The following JDP2 variants were observed in gnomAD, a reference collection of about 807,000 sequenced individuals.
The protein encoded by JDP2 is Jun dimerization protein 2, also known as progesterone receptor co-activator.
JDP2 carries 9 observed loss-of-function variants against 17.1 expected under a neutral mutation model. That is an observed-to-expected ratio of 0.53 (90% CI 0.32 to 0.92). The LOEUF is 0.92. Ranked by LOEUF, JDP2 falls within the 40% of genes least tolerant of loss-of-function variation. The pLI is 0.04. For missense variants in JDP2, 179 were observed against 220.0 expected (o/e 0.81, Z 1.18); for synonymous variants, 107 against 95.6 (o/e 1.12, Z -0.69).
At chr14:75,455,228 G>C (rs780357921) in intron 2 of JDP2, among the ~76,000 whole-genome samples, 8 of 152,156 alleles carry the variant, frequency 5.3e-5, no homozygotes, top group Non-Finnish European at 7.3e-5. Context: ...GCTTGGGTGA[G>C]GCTGATTGTG....
intron 1 of JDP2, among the ~76,000 whole-genome samples, chr14:75,436,838 T>G (rs922574557): frequency 2.0e-5 from 3 of 152,240 alleles, no homozygotes; most frequent in Non-Finnish European, 4.4e-5. Context: ...TGAATCTGTC[T>G]TCCCTTGTAC....
At chr14:75,452,446 G>A (rs1181380099) in intron 2 of JDP2, among the ~76,000 whole-genome samples, 4 of 152,088 alleles carry the variant, frequency 2.6e-5, no homozygotes, top group African/African-American at 4.8e-5. Flanking sequence ...TGATTGACTC[G>A]AGGTCACAGA....
chr14:75,432,212 TC>T, intron 1 of JDP2: 3 of 1,007,660 alleles, frequency 3.0e-6, no homozygotes, highest in Middle Eastern at 2.1e-4. Flanking sequence ...GCCTTCTGGA[TC>T]TCCTCGACTT....
intron 2 of JDP2, chr14:75,445,309 C>T (rs982097376): frequency 6.1e-6 from 6 of 985,414 alleles, no homozygotes; most frequent in Non-Finnish European, 4.8e-6. Context: ...GCCTGGGCCT[C>T]CTCTGGGTTT....
In JDP2 at chr14:75,473,343, AAAAC is replaced by A. The variant is rs1220096935; in HGVS notation, c.*3872_*3875del. ...GACAGAGCGAGACTCCATCTCAAAA[AAAAC>A]AAAACAAAAAAAATGTGGATTAAAG... On this transcript the variant is annotated 3_prime_UTR_variant, in exon 4 of 4. Transcript: ENST00000651602. The A allele has an allele frequency of 6.6e-6, 1 of 152,156 alleles. No individual in the cohort carries two copies. Among genetic ancestry groups the A allele is most frequent in the Non-Finnish European group, 1.5e-5 (1 of 68,056 alleles). The allele number at this position is 152,156 out of a possible 1,614,324, so 9.4% of individuals were successfully genotyped here.
chr14:75,460,049 G>A (rs1351266780), intron 2 of JDP2, among the ~76,000 whole-genome samples: 1 of 152,222 alleles, frequency 6.6e-6, no homozygotes, highest in African/African-American at 2.4e-5. Flanking sequence ...CTTTGATGGT[G>A]AGGATTAAAT....
At chr14:75,447,793 G>A (rs1885669752) in intron 2 of JDP2, among the ~76,000 whole-genome samples, 1 of 152,130 alleles carries the variant, frequency 6.6e-6, no homozygotes, top group African/African-American at 2.4e-5. Flanking sequence ...GAATAGCTGG[G>A]ATTACAGGTG....
At chr14:75,464,135 C>G (rs1886463181) in intron 3 of JDP2, among the ~76,000 whole-genome samples, 1 of 152,214 alleles carries the variant, frequency 6.6e-6, no homozygotes, top group Non-Finnish European at 1.5e-5. Context: ...TCCTCCCCAG[C>G]CTTGGAAGCA....
chr14:75,445,414 A>G, intron 2 of JDP2: 13 of 985,414 alleles, frequency 1.3e-5, no homozygotes, highest in Non-Finnish European at 1.6e-5. Context: ...TACTGAGCGT[A>G]GTGCATGTGT....
intron 1 of JDP2, among the ~76,000 whole-genome samples, chr14:75,432,848 G>T (rs1278178679): frequency 2.0e-5 from 3 of 152,066 alleles, no homozygotes; most frequent in Admixed American, 6.5e-5. Flanking sequence ...AGCAAGAACG[G>T]CCCTTGTACC....
At position 75,430,078 on chromosome 14, in the gene JDP2, T is replaced by C. The variant is rs75364171; in HGVS notation, c.-24+1826T>C. On this transcript the variant is annotated intron_variant, in intron 1 of 3. Transcript: ENST00000651602. The surrounding 1 kb of genome is among the most constrained non-coding windows in gnomAD (Gnocchi z 4.5). ...TCCCCACTCATCCACTGCCTAACTT[T>C]TGCAGCTACCAGGGAATGCTCCTCC... Among the ~76,000 whole-genome samples, 1 of 152,216 alleles carries C rather than the reference T, an allele frequency of 6.6e-6. No individual in the cohort carries two copies. The highest frequency in any genetic ancestry group is 6.5e-5 in the Admixed American group (1 of 15,290).
chr14:75,445,293 G>A, intron 2 of JDP2: 3 of 985,604 alleles, frequency 3.0e-6, no homozygotes, highest in Non-Finnish European at 3.6e-6. Flanking sequence ...AGTGCTGGGA[G>A]TGAGGGCCTG....
intron 2 of JDP2, among the ~76,000 whole-genome samples, chr14:75,438,960 C>T (rs1594950153): frequency 6.6e-6 from 1 of 152,168 alleles, no homozygotes; most frequent in South Asian, 2.1e-4. Context: ...GAGTAGCTGC[C>T]CCCTGGAAAG....
At chr14:75,468,842 C>T (rs1339323653) in intron 3 of JDP2, among the ~76,000 whole-genome samples, 1 of 152,270 alleles carries the variant, frequency 6.6e-6, no homozygotes, top group African/African-American at 2.4e-5. Flanking sequence ...CATCAAAGCA[C>T]GTTGCCGTTA....
At chr14:75,441,730 T>C (rs899769903) in intron 2 of JDP2, among the ~76,000 whole-genome samples, 2 of 152,228 alleles carry the variant, frequency 1.3e-5, no homozygotes, top group East Asian at 1.9e-4. Context: ...TCTTTTCTAG[T>C]ATTCGCTTTC....
intron 3 of JDP2, among the ~76,000 whole-genome samples, chr14:75,465,798 C>T (rs774035391): frequency 2.0e-5 from 3 of 152,206 alleles, no homozygotes; most frequent in Non-Finnish European, 4.4e-5. Context: ...CTTTGCCGAC[C>T]ACAGTGTAGG....
At chr14:75,435,778 G>A (rs1266356691) in intron 1 of JDP2, among the ~76,000 whole-genome samples, 1 of 152,218 alleles carries the variant, frequency 6.6e-6, no homozygotes, top group Admixed American at 6.5e-5. Flanking sequence ...GGGACACGGG[G>A]TGAAGGAAGG....
rs898093857 is a variant in JDP2 at position 75,437,799 on chromosome 14, T to C, written c.-23-99T>C. On this transcript the variant is annotated intron_variant, in intron 1 of 3. Coordinates refer to ENST00000651602, the MANE Select transcript of JDP2 (RefSeq NM_001135048.2). Reference sequence around the variant, plus strand: ...GGTGGGAAAGGGATTCAGGGGAACATTGGTGAAAGAAGCCACAGTCCTGGC... The same window carrying C: ...GGTGGGAAAGGGATTCAGGGGAACACTGGTGAAAGAAGCCACAGTCCTGGC... 2.9e-5 allele frequency: 22 copies of C among 751,916 alleles called. 1 individual carries two copies. Among genetic ancestry groups the C allele is most frequent in the East Asian group, 1.4e-4 (5 of 35,952 alleles). 46.6% of individuals were successfully genotyped at this position (751,916 alleles called of 1,614,324 possible). A position where few individuals can be genotyped will look rare whatever the true frequency, so the allele number is the denominator to read the frequency against.
intron 3 of JDP2, among the ~76,000 whole-genome samples, chr14:75,468,337 G>T (rs141021949): frequency 6.4e-4 from 98 of 152,288 alleles, no homozygotes; most frequent in African/African-American, 2.3e-3. Flanking sequence ...ATTGCCAAAT[G>T]TCTCCTGGGA....
Sources: gnomAD v4.1 joint callset for allele counts (sites outside exome capture counted in the v4.1 genomes callset) on GRCh38, gnomAD v4.1.1 for gene constraint, Gnocchi (gnomAD v3.1) non-coding constraint, MANE v1.5 for transcripts, NCBI Gene and HGNC (gene_info 2026-07-23, HGNC 2026-07-21) for gene names.